PRICKLE2: variants seen among roughly 807,000 people sequenced by gnomAD.
PRICKLE2 encodes the protein prickle-like protein 2.
In PRICKLE2, 21 loss-of-function variants were observed where a neutral mutation model predicts 81.4. That is an observed-to-expected ratio of 0.26 (90% CI 0.18 to 0.37). PRICKLE2 has a LOEUF of 0.37. Ranked by LOEUF, PRICKLE2 falls within the 10% of genes least tolerant of loss-of-function variation. PRICKLE2 has a pLI of 1.00. For synonymous variants in PRICKLE2, 456 were observed against 421.5 expected (o/e 1.08, Z -1.00); for missense variants, 940 against 1,109.0 (o/e 0.85, Z 2.16).
chr3:64,136,110 C>G (rs190304272), intron 7 of PRICKLE2, among the ~76,000 whole-genome samples: 14 of 152,048 alleles, frequency 9.2e-5, no homozygotes, highest in African/African-American at 3.1e-4. Context: ...TACTAAGGTG[C>G]TATTTACTAC....
chr3:64,176,816 C>T (rs969129040), intron 2 of PRICKLE2, among the ~76,000 whole-genome samples: 2 of 152,140 alleles, frequency 1.3e-5, no homozygotes, highest in East Asian at 3.8e-4. Context: ...CTTGCCTTGC[C>T]CACTAAGTTT....
chr3:64,245,778 G>C (rs2079340515), intron 2 of PRICKLE2, among the ~76,000 whole-genome samples: 1 of 152,160 alleles, frequency 6.6e-6, no homozygotes, highest in African/African-American at 2.4e-5. Context: ...TCTACATTTA[G>C]TCTCAGAGCT....
At chr3:64,250,897 C>T (rs952298431) in intron 2 of PRICKLE2, among the ~76,000 whole-genome samples, 1 of 152,140 alleles carries the variant, frequency 6.6e-6, no homozygotes, top group Non-Finnish European at 1.5e-5. Flanking sequence ...ACCTCACTTC[C>T]TCCAGTTCTA....
intron 7 of PRICKLE2, among the ~76,000 whole-genome samples, chr3:64,108,233 A>C (rs1360939135): frequency 6.6e-6 from 1 of 152,206 alleles, no homozygotes; most frequent in Non-Finnish European, 1.5e-5. Context: ...ATGCTGCGGC[A>C]AGCCTGAACA....
intron 1 of PRICKLE2, among the ~76,000 whole-genome samples, chr3:64,217,918 T>C (rs1335874767): frequency 2.0e-5 from 3 of 152,308 alleles, no homozygotes; most frequent in African/African-American, 7.2e-5. Context: ...ATGTTCACAA[T>C]CAACCTCTTC....
At chr3:64,109,545 C>A (rs1351649948) in intron 7 of PRICKLE2, among the ~76,000 whole-genome samples, 3 of 151,876 alleles carry the variant, frequency 2.0e-5, no homozygotes, top group Admixed American at 2.0e-4. Flanking sequence ...CTGCCAGCTG[C>A]ACTGGGGAAG....
In PRICKLE2 at chr3:64,099,361, C is replaced by T; in HGVS notation, c.2225G>A (p.Arg742Lys). 6.2e-7 allele frequency: 1 copy of T among 1,612,510 alleles called. No homozygotes were observed. Among genetic ancestry groups the T allele is most frequent in the South Asian group, 1.1e-5 (1 of 91,060 alleles). ...FQESMGHGSR[R>K]DLYGQCPRTV... The stretch of plus-strand genomic sequence containing the variant: ...CCTAGGGCACTGGCCGTACAGGTCC[C>T]TCCGGGACCCATGCCCCATGCTCTC... Residue 742 changes from arginine to lysine, a missense_variant, in exon 8 of 8, where the codon AGG becomes AAG. Around this residue, in one of 2 missense-constraint regions of PRICKLE2, gnomAD observed 670 missense variants for 717.2 expected, o/e 0.93. Coordinates refer to ENST00000638394, the MANE Select transcript of PRICKLE2 (RefSeq NM_198859.4). This position sits in a 1 kb window ranked among gnomAD's most constrained non-coding sequence, Gnocchi z 4.3.
chr3:64,105,314 G>T (rs1295108006), intron 7 of PRICKLE2, among the ~76,000 whole-genome samples: 1 of 152,188 alleles, frequency 6.6e-6, no homozygotes, highest in Admixed American at 6.5e-5. Flanking sequence ...AAGGTCATAT[G>T]TAAGTTTGTA....
chr3:64,188,943 G>A (rs182175379), intron 2 of PRICKLE2, among the ~76,000 whole-genome samples: 3 of 152,142 alleles, frequency 2.0e-5, no homozygotes, highest in East Asian at 1.9e-4. Flanking sequence ...AATAGACGTC[G>A]GTCTCTGAAT....
chr3:64,246,340 C>T (rs143691364), intron 2 of PRICKLE2, among the ~76,000 whole-genome samples: 80 of 152,286 alleles, frequency 5.3e-4, no homozygotes, highest in Admixed American at 1.2e-3. Flanking sequence ...GGGATCTTGA[C>T]GATGCTATTA....
intron 1 of PRICKLE2, among the ~76,000 whole-genome samples, chr3:64,215,396 T>A (rs1169341030): frequency 6.6e-6 from 1 of 152,188 alleles, no homozygotes; most frequent in Non-Finnish European, 1.5e-5. Flanking sequence ...AGACATCTTT[T>A]CCTTAACATC....
At position 64,097,070 on chromosome 3, in the gene PRICKLE2, T is replaced by A. The variant is rs2076581318; in HGVS notation, c.*1981A>T. ...ACTTACTATACAAACGTAATAGAGT[T>A]AATTCTCCGGAGGCTCGGATAATTA... is the stretch of plus-strand genomic sequence containing the variant. On this transcript the variant is annotated 3_prime_UTR_variant, in exon 8 of 8. Transcript: ENST00000638394. 1 of 152,652 alleles carries A rather than the reference T, an allele frequency of 6.6e-6. No homozygotes were observed. 9.5% of individuals were successfully genotyped at this position (152,652 alleles called of 1,614,324 possible). A position where few individuals can be genotyped will look rare whatever the true frequency, so the allele number is the denominator to read the frequency against.
intron 1 of PRICKLE2, among the ~76,000 whole-genome samples, chr3:64,207,588 A>G (rs964847929): frequency 3.9e-5 from 6 of 152,174 alleles, no homozygotes; most frequent in African/African-American, 7.2e-5. Flanking sequence ...TTCAATCCAG[A>G]TAAGCGGGTC....
intron 1 of PRICKLE2, chr3:64,200,489 T>C (rs888816306): frequency 6.6e-6 from 1 of 152,204 alleles, no homozygotes; most frequent in Admixed American, 6.5e-5. Context: ...CAGGTTCTCA[T>C]TGTTTCCCAG....
chr3:64,174,646 A>T, intron 2 of PRICKLE2: 1 of 195,696 alleles, frequency 5.1e-6, no homozygotes, highest in African/African-American at 2.4e-5. Context: ...AGCCTTGATG[A>T]TAATGAGGGG....
chr3:64,254,420 C>A (rs1189050230), intron 2 of PRICKLE2, among the ~76,000 whole-genome samples: 1 of 152,126 alleles, frequency 6.6e-6, no homozygotes, highest in Non-Finnish European at 1.5e-5. Context: ...TGAAACAGAG[C>A]TAGACAAGAA....
chr3:64,221,954 T>C (rs2078962678), intron 1 of PRICKLE2, among the ~76,000 whole-genome samples: 1 of 152,210 alleles, frequency 6.6e-6, no homozygotes, highest in Admixed American at 6.5e-5. Context: ...TCATTTTACT[T>C]GGATTTCCCA....
At chr3:64,243,615 A>G (rs758260619) in intron 2 of PRICKLE2, among the ~76,000 whole-genome samples, 5 of 152,220 alleles carry the variant, frequency 3.3e-5, no homozygotes, top group Non-Finnish European at 7.3e-5. Flanking sequence ...TGAGGCTTTC[A>G]GTGTAAAATG....
intron 7 of PRICKLE2, among the ~76,000 whole-genome samples, chr3:64,108,921 A>C (rs1188430170): frequency 6.6e-6 from 1 of 152,056 alleles, no homozygotes; most frequent in Admixed American, 6.6e-5. Flanking sequence ...GACTCTACCC[A>C]CTAGATGCCA....
Sources: gnomAD v4.1 joint callset for allele counts (sites outside exome capture counted in the v4.1 genomes callset) on GRCh38, gnomAD v4.1.1 for gene constraint, gnomAD v4.1.1 regional missense constraint, Gnocchi (gnomAD v3.1) non-coding constraint, MANE v1.5 for transcripts, NCBI Gene and HGNC (gene_info 2026-07-23, HGNC 2026-07-21) for gene names.